The following ITIH5 variants were observed in gnomAD, a reference collection of about 807,000 sequenced individuals.
ITIH5 encodes inter-alpha-trypsin inhibitor heavy chain H5.
ITIH5 carries 65 observed loss-of-function variants against 77.5 expected under a neutral mutation model. The observed-to-expected ratio is 0.84, with a 90% CI of 0.69 to 1.03. The LOEUF is 1.03. ITIH5 is among the 50% of genes least tolerant of loss of function. The probability of loss-of-function intolerance (pLI) is 0.00; values close to 1 mark genes in which losing one functional copy is unlikely to be tolerated. For missense variants in ITIH5, 1,208 were observed against 1,213.1 expected (o/e 1.00, Z 0.06); for synonymous variants, 525 against 494.3 (o/e 1.06, Z -0.82).
intron 10 of ITIH5, among the ~76,000 whole-genome samples, chr10:7,575,511 G>A (rs1478549244): frequency 2.0e-5 from 3 of 152,138 alleles, no homozygotes; most frequent in Admixed American, 1.3e-4. Context: ...CATGTGAAAC[G>A]CGATTTTCCA....
At chr10:7,593,851 G>A (rs1014557592) in intron 7 of ITIH5, among the ~76,000 whole-genome samples, 2 of 152,124 alleles carry the variant, frequency 1.3e-5, no homozygotes, top group Admixed American at 6.6e-5. Context: ...CAGCCACCTG[G>A]CCCCACCAAT....
intron 5 of ITIH5, among the ~76,000 whole-genome samples, chr10:7,627,369 A>T (rs1833601295): frequency 2.0e-5 from 3 of 151,818 alleles, no homozygotes; most frequent in South Asian, 4.2e-4. Flanking sequence ...GTTCAATTCA[A>T]GCCCTTCTTG....
In ITIH5 at chr10:7,576,795, G is replaced by A. The variant is rs1564239334; in HGVS notation, c.1636C>T (p.Pro546Ser). Residue 546 changes from proline (P) to serine (S), a missense_variant, in exon 10 of 14, where the codon CCT (proline) becomes TCT (serine). Pro to Ser is a moderately conservative substitution (Grantham distance 74). Transcript: ENST00000397146. ...TTCCCTGCCTTCTGAGGCCGCACAG[G>A]CACATCTGTCTTCAGGATGATGAAT... ...KKFIILKTDV[P>S]VRPQKAGKDV... The A allele has an allele frequency of 2.5e-6, 4 of 1,614,224 alleles. No homozygotes were observed. Among genetic ancestry groups the A allele is most frequent in the Non-Finnish European group, 3.4e-6 (4 of 1,180,032 alleles).
chr10:7,609,707 G>T (rs1447058351), intron 7 of ITIH5, among the ~76,000 whole-genome samples: 1 of 152,172 alleles, frequency 6.6e-6, no homozygotes, highest in Non-Finnish European at 1.5e-5. Flanking sequence ...AGCTTCAAAG[G>T]CTACGTGGGA....
In ITIH5 at chr10:7,576,486, C is replaced by T; in HGVS notation, c.1945G>A (p.Val649Met). 6.2e-7 allele frequency: 1 copy of T among 1,607,734 alleles called. No individual in the cohort carries two copies. Among genetic ancestry groups the T allele is most frequent in the Non-Finnish European group, 8.5e-7 (1 of 1,179,418 alleles). The change falls in exon 10 of 14, where the codon GTG becomes ATG. Residue 649 changes from valine (V) to methionine (M), a missense_variant. Coordinates refer to ENST00000397146, the MANE Select transcript of ITIH5 (RefSeq NM_030569.7). ...GTGCCAGCTCCTCGCACGCTCTGCA[C>T]CACCGGTTCGGGTCCCATGGCAGCC... The part of the protein sequence containing the change: ...MSAAMGPEPV[V>M]QSVRGAGTQP...
chr10:7,595,360 G>A (rs189630138), intron 7 of ITIH5, among the ~76,000 whole-genome samples: 12 of 151,978 alleles, frequency 7.9e-5, no homozygotes, highest in African/African-American at 2.9e-4. Context: ...CTTACTATTC[G>A]GGTAGCGAAG....
chr10:7,602,079 C>T (rs1009949071), intron 7 of ITIH5, among the ~76,000 whole-genome samples: 3 of 152,102 alleles, frequency 2.0e-5, no homozygotes, highest in African/African-American at 7.2e-5. Flanking sequence ...GTCTTGAACT[C>T]CTGACCTCAG....
chr10:7,572,545 G>GACCC, intron 11 of ITIH5: 1 of 1,134,142 alleles, frequency 8.8e-7, no homozygotes, highest in Non-Finnish European at 1.1e-6. Flanking sequence ...CTCAATGAGG[G>GACCC]TCAGAATGTG....
intron 7 of ITIH5, among the ~76,000 whole-genome samples, chr10:7,610,783 C>G (rs1322830672): frequency 6.6e-6 from 1 of 152,198 alleles, no homozygotes; most frequent in Non-Finnish European, 1.5e-5. Context: ...CAGCGAGGGG[C>G]TTTCAAAATT....
At chr10:7,660,388 A>G (rs1425840078) in intron 1 of ITIH5, among the ~76,000 whole-genome samples, 3 of 152,184 alleles carry the variant, frequency 2.0e-5, no homozygotes, top group Non-Finnish European at 2.9e-5. Context: ...ACACAGGAAC[A>G]ATCCTCAGAA....
Position 7,577,006 on chromosome 10 carries a change from G to A in ITIH5, c.1425C>T (p.Tyr475=), listed in dbSNP as rs148515073. The A allele has an allele frequency of 2.1e-5, 33 of 1,606,996 alleles. No homozygotes were observed. Among genetic ancestry groups the A allele is most frequent in the Non-Finnish European group, 2.3e-5 (27 of 1,175,230 alleles). The change falls in exon 10 of 14, where the codon TAC becomes TAT. Residue 475 remains tyrosine (Y), a synonymous_variant. Coordinates refer to ENST00000397146, the MANE Select transcript of ITIH5 (RefSeq NM_030569.7). ...EDAGSQLIGF[Y]DEIRTPLLSD... ...AGAGGAGCGGGGTCCTGATTTCATC[G>A]TAGAACCTGCAGTGGAAGCACAGGG... is the stretch of plus-strand genomic sequence containing the variant.
intron 7 of ITIH5, among the ~76,000 whole-genome samples, chr10:7,592,045 AT>A (rs1466990863): frequency 2.6e-5 from 4 of 151,728 alleles, no homozygotes; most frequent in African/African-American, 9.7e-5. Context: ...TGATTTTAGT[AT>A]TTTTAGTAGA....
rs891344781 is a variant in ITIH5, at chr10:7,572,202, C to T, written c.2032+940G>A. 9.9e-5 allele frequency: 121 copies of T among 1,223,374 alleles called. No homozygotes were observed. In the Middle Eastern group the frequency reaches 1.4e-3, roughly 14 times the overall value. 75.8% of individuals were successfully genotyped at this position (1,223,374 alleles called of 1,614,324 possible). A position where few individuals can be genotyped will look rare whatever the true frequency, so the allele number is the denominator to read the frequency against. ...CAGCTCATCTCCGGGATGTCCCTGG[C>T]TTTAGGAACTTGCACGTACAGCACA... On this transcript the variant is annotated intron_variant, in intron 11 of 13. Coordinates refer to ENST00000397146, the MANE Select transcript of ITIH5 (RefSeq NM_030569.7).
At chr10:7,615,595 T>A (rs1461241936) in intron 7 of ITIH5, among the ~76,000 whole-genome samples, 1 of 152,212 alleles carries the variant, frequency 6.6e-6, no homozygotes, top group East Asian at 1.9e-4. Flanking sequence ...TACTGTGACC[T>A]GAGTTCTTTA....
chr10:7,596,491 C>T (rs1486091588), intron 7 of ITIH5, among the ~76,000 whole-genome samples: 2 of 152,180 alleles, frequency 1.3e-5, no homozygotes, highest in South Asian at 4.1e-4. Context: ...ACACAAAAGG[C>T]TCTTGTGCCA....
chr10:7,663,625 G>A (rs181446651), intron 1 of ITIH5, among the ~76,000 whole-genome samples: 1 of 151,994 alleles, frequency 6.6e-6, no homozygotes, highest in Non-Finnish European at 1.5e-5. Flanking sequence ...TTTCCTTCAA[G>A]AGGGTCCTGC....
At chr10:7,642,564 A>G (rs1243260424) in intron 2 of ITIH5, among the ~76,000 whole-genome samples, 2 of 152,228 alleles carry the variant, frequency 1.3e-5, no homozygotes, top group Admixed American at 1.3e-4. Context: ...GAGAAACGAT[A>G]CACCAGAGCT....
chr10:7,641,402 T>C (rs2131080146), intron 3 of ITIH5, among the ~76,000 whole-genome samples: 1 of 152,070 alleles, frequency 6.6e-6, no homozygotes, highest in Middle Eastern at 3.4e-3. Context: ...CATTTATTCT[T>C]TGTTCATTTA....
rs749873931 is a variant in ITIH5, at chr10:7,566,030, C to T, written c.2527G>A (p.Gly843Ser). ...GCGTGAGGAGAGCGCAGCTTCCTAC[C>T]CAGCAGTCCGTGGCAGTTGCTGGAA... ...GLSSNCHGLL[G>S]QFLNQDARLT... Residue 843 changes from glycine to serine, a missense_variant and splice_region_variant, in exon 13 of 14, where the codon GGT (glycine) becomes AGT (serine). Gly to Ser is a moderately conservative substitution (Grantham distance 56). Transcript: ENST00000397146. 1.3e-5 allele frequency: 21 copies of T among 1,612,970 alleles called. No individual in the cohort carries two copies. In the South Asian group the frequency reaches 2.3e-4, roughly 18 times the overall value.
Sources: gnomAD v4.1 joint callset for allele counts (sites outside exome capture counted in the v4.1 genomes callset) on GRCh38, gnomAD v4.1.1 for gene constraint, MANE v1.5 for transcripts, NCBI Gene and HGNC (gene_info 2026-07-23, HGNC 2026-07-21) for gene names.